Variants in NBEA observed in about 807,000 individuals in gnomAD.
NBEA encodes the protein neurobeachin, also known as lysosomal-trafficking regulator 2.
A neutral mutation model predicts 343.4 loss-of-function variants in NBEA; 44 were observed. That is an observed-to-expected ratio of 0.13 (90% CI 0.10 to 0.16). NBEA has a LOEUF of 0.16. NBEA is among the 10% of genes least tolerant of loss of function. The probability of loss-of-function intolerance (pLI) is 1.00; values close to 1 mark genes in which losing one functional copy is unlikely to be tolerated. For missense variants in NBEA, 2,555 were observed against 3,631.3 expected (o/e 0.70, Z 7.62); for synonymous variants, 1,175 against 1,238.7 (o/e 0.95, Z 1.08).
intron 36 of NBEA, among the ~76,000 whole-genome samples, chr13:35,334,069 G>A (rs183087557): frequency 1.4e-3 from 215 of 152,090 alleles, no homozygotes; most frequent in African/African-American, 5.0e-3. Flanking sequence ...CCAGCACTGC[G>A]ATTACTAGAT....
intron 38 of NBEA, among the ~76,000 whole-genome samples, chr13:35,412,610 G>T (rs1264732168): frequency 6.6e-6 from 1 of 152,108 alleles, no homozygotes; most frequent in Non-Finnish European, 1.5e-5. Context: ...GATTTGTACA[G>T]TAAGTGTTTG....
At chr13:35,024,516 A>T (rs2061952393) in intron 1 of NBEA, among the ~76,000 whole-genome samples, 1 of 151,886 alleles carries the variant, frequency 6.6e-6, no homozygotes, top group African/African-American at 2.4e-5. Context: ...CACTGAAAAA[A>T]AAACAAAACA....
In NBEA at chr13:35,304,807, A is replaced by G. The variant is rs190486023; in HGVS notation, c.5839-4721A>G. ...TATTTTAAAGGCACATAACCAACAA[A>G]TAACAGACCCCTACTCCACCACTGA... On this transcript the variant is annotated intron_variant, in intron 35 of 58. Transcript: ENST00000379939. Among the ~76,000 whole-genome samples, 76 of 152,180 alleles carry G rather than the reference A, an allele frequency of 5.0e-4. No individual in the cohort carries two copies. The East Asian group carries it at 0.014, about 29-fold the overall frequency.
At chr13:35,044,603 G>GGTGTGTGTGTGTGTGT (rs3045194) in intron 2 of NBEA, among the ~76,000 whole-genome samples, 12 of 142,512 alleles carry the variant, frequency 8.4e-5, no homozygotes, top group Non-Finnish European at 6.1e-5. Context: ...GCTGTGTTGT[G>GGTGTGTGTGTGTGTGT]GTGTGTGTGT....
chr13:35,439,475 G>A (rs1204068553), intron 39 of NBEA, among the ~76,000 whole-genome samples: 1 of 152,144 alleles, frequency 6.6e-6, no homozygotes, highest in Non-Finnish European at 1.5e-5. Flanking sequence ...ACCATGGCAT[G>A]GAGACATAAA....
At chr13:35,568,719 A>G (rs905093494) in intron 45 of NBEA, among the ~76,000 whole-genome samples, 4 of 152,310 alleles carry the variant, frequency 2.6e-5, no homozygotes, top group Admixed American at 2.6e-4. Flanking sequence ...TACATTATAT[A>G]CTTACCAGTT....
intron 33 of NBEA, among the ~76,000 whole-genome samples, chr13:35,222,672 T>A (rs780972029): frequency 6.6e-6 from 1 of 152,188 alleles, no homozygotes; most frequent in Non-Finnish European, 1.5e-5. Context: ...TAGGGGCTTC[T>A]CTACGACTTA....
intron 27 of NBEA, among the ~76,000 whole-genome samples, chr13:35,176,348 A>G (rs1446024156): frequency 5.3e-5 from 8 of 152,038 alleles, no homozygotes; most frequent in Non-Finnish European, 1.2e-4. Context: ...ATCTAATTTA[A>G]TCCATACAAT....
chr13:35,424,208 G>A (rs2044493892), intron 38 of NBEA, among the ~76,000 whole-genome samples: 1 of 152,130 alleles, frequency 6.6e-6, no homozygotes, highest in Admixed American at 6.5e-5. Context: ...TGGTGAGAGA[G>A]GGCATCCCTG....
At chr13:35,255,506 G>A (rs1310715183) in intron 34 of NBEA, among the ~76,000 whole-genome samples, 1 of 152,226 alleles carries the variant, frequency 6.6e-6, no homozygotes, top group Non-Finnish European at 1.5e-5. Context: ...CAGGCACACT[G>A]ACTGCTGCAG....
chr13:35,105,027 A>C (rs2065846436), intron 11 of NBEA, among the ~76,000 whole-genome samples: 1 of 151,988 alleles, frequency 6.6e-6, no homozygotes, highest in Non-Finnish European at 1.5e-5. Flanking sequence ...GGGTATTTAA[A>C]AAGTTGTAAG....
intron 34 of NBEA, among the ~76,000 whole-genome samples, chr13:35,245,043 G>A (rs944376348): frequency 6.6e-6 from 1 of 151,972 alleles, no homozygotes; most frequent in South Asian, 2.1e-4. Flanking sequence ...AGCAAACAGC[G>A]ACAGTTTGAC....
intron 34 of NBEA, among the ~76,000 whole-genome samples, chr13:35,273,970 A>G (rs1052744196): frequency 6.6e-5 from 10 of 152,214 alleles, no homozygotes; most frequent in African/African-American, 2.4e-4. Context: ...TTCTGAAACT[A>G]TTCCAATCAA....
At chr13:35,529,901 A>C (rs1256415531) in intron 41 of NBEA, among the ~76,000 whole-genome samples, 1 of 152,270 alleles carries the variant, frequency 6.6e-6, no homozygotes, top group East Asian at 1.9e-4. Context: ...AAATAAAATT[A>C]GCACTACTGC....
intron 11 of NBEA, among the ~76,000 whole-genome samples, chr13:35,100,391 A>T (rs1209234174): frequency 6.6e-6 from 1 of 151,980 alleles, no homozygotes; most frequent in Non-Finnish European, 1.5e-5. Flanking sequence ...TAAGAACTTA[A>T]GGTCCTTTGG....
intron 35 of NBEA, among the ~76,000 whole-genome samples, chr13:35,307,556 A>G (rs1276666438): frequency 6.6e-6 from 1 of 152,034 alleles, no homozygotes; most frequent in Non-Finnish European, 1.5e-5. Flanking sequence ...TGTAATACCT[A>G]GATATGTACT....
intron 46 of NBEA, among the ~76,000 whole-genome samples, chr13:35,591,989 G>A (rs2081562028): frequency 6.6e-6 from 1 of 152,066 alleles, no homozygotes; most frequent in Non-Finnish European, 1.5e-5. Context: ...TGCTATAATT[G>A]TAGTTAAGAA....
intron 34 of NBEA, among the ~76,000 whole-genome samples, chr13:35,273,168 G>T (rs952508855): frequency 2.2e-4 from 33 of 152,274 alleles, no homozygotes; most frequent in African/African-American, 7.9e-4. Flanking sequence ...AGACCACAGT[G>T]CAATCAAATT....
At chr13:35,187,449 TA>T (rs201950691) in intron 30 of NBEA, among the ~76,000 whole-genome samples, 4,662 of 150,784 alleles carry the variant, frequency 0.031, 98 homozygotes, top group Non-Finnish European at 0.045. Context: ...TAACAGTAAG[TA>T]TAATTTATGT....
Sources: gnomAD v4.1 joint callset for allele counts (sites outside exome capture counted in the v4.1 genomes callset) on GRCh38, gnomAD v4.1.1 for gene constraint, MANE v1.5 for transcripts, NCBI Gene and HGNC (gene_info 2026-07-23, HGNC 2026-07-21) for gene names.